LRTM3: variants seen among roughly 807,000 people sequenced by gnomAD.
The protein encoded by LRTM3 is leucine rich repeat transmembrane protein 3.
the LRTM3 span, chr13:102,747,176 A>G: frequency 1.9e-6 from 3 of 1,550,540 alleles, no homozygotes; most frequent in Admixed American, 2.0e-5. Context: ...TTCCCTTTCA[A>G]TTTGGGATTC....
the LRTM3 span, chr13:102,746,803 T>C: frequency 1.3e-6 from 2 of 1,551,292 alleles, no homozygotes; most frequent in South Asian, 2.4e-5. Context: ...AACTTTCTCT[T>C]GTTTGGTTTA....
the LRTM3 span, chr13:102,747,264 T>G: frequency 1.9e-6 from 3 of 1,549,464 alleles, no homozygotes; most frequent in African/African-American, 1.4e-5. Flanking sequence ...AAAATAGACA[T>G]GGGAGGGTAA....
At chr13:102,735,276 CT>C in the LRTM3 span, 1 of 1,551,362 alleles carries the variant, frequency 6.4e-7, no homozygotes. Context: ...TCCTTCTCTT[CT>C]TTCTGTAGCA....
At chr13:102,744,542 A>C in the LRTM3 span, 1 of 1,550,480 alleles carries the variant, frequency 6.4e-7, no homozygotes, top group Non-Finnish European at 8.7e-7. Context: ...AATAGGCTCT[A>C]AAACAGTTTC....
the LRTM3 span, chr13:102,735,760 C>T: frequency 6.5e-7 from 1 of 1,546,574 alleles, no homozygotes; most frequent in Non-Finnish European, 8.7e-7. Flanking sequence ...CTGATGAATC[C>T]TGAATCTTTA....
At chr13:102,752,878 T>C in the LRTM3 span, among the ~76,000 whole-genome samples, 1 of 152,226 alleles carries the variant, frequency 6.6e-6, no homozygotes, top group Admixed American at 6.5e-5. Context: ...CTGATGTTAG[T>C]TAACTTATTT....
At chr13:102,758,606 G>T in the LRTM3 span, 27 of 1,525,262 alleles carry the variant, frequency 1.8e-5, no homozygotes, top group East Asian at 5.9e-4. Flanking sequence ...ATTGTTAGAG[G>T]AGTAATCGGA....
At chr13:102,750,049 G>T in the LRTM3 span, 4 of 1,550,084 alleles carry the variant, frequency 2.6e-6, no homozygotes, top group East Asian at 7.3e-5. Flanking sequence ...ATGCTGAAAA[G>T]CTAAGATCAG....
chr13:102,732,698 ATTC>A, the LRTM3 span: 20 of 1,550,936 alleles, frequency 1.3e-5, no homozygotes, highest in African/African-American at 1.8e-4. Flanking sequence ...GCTTGTGTCC[ATTC>A]TTCCTCTCTC....
the LRTM3 span, chr13:102,736,968 T>C: frequency 1.3e-6 from 2 of 1,551,134 alleles, no homozygotes; most frequent in South Asian, 2.4e-5. Flanking sequence ...TTGTCTAATT[T>C]ACAGTGAGAT....
chr13:102,733,328 T>C, the LRTM3 span: 2 of 1,551,394 alleles, frequency 1.3e-6, no homozygotes, highest in Non-Finnish European at 1.7e-6. Context: ...GATTCTATCA[T>C]TACTTTGTCC....
chr13:102,737,830 C>T, the LRTM3 span: 2 of 1,550,730 alleles, frequency 1.3e-6, no homozygotes, highest in Non-Finnish European at 1.7e-6. Context: ...GTTGGTCTTC[C>T]TCTCCTTCTA....
At chr13:102,737,590 T>C in the LRTM3 span, 3 of 1,550,762 alleles carry the variant, frequency 1.9e-6, no homozygotes, top group Non-Finnish European at 2.6e-6. Flanking sequence ...GATTCAGTGG[T>C]AGGTTCTGTG....
chr13:102,736,931 T>C, the LRTM3 span: 8 of 1,551,070 alleles, frequency 5.2e-6, no homozygotes, highest in Non-Finnish European at 7.0e-6. Flanking sequence ...TGTTACTCCT[T>C]GTTCCTCTTT....
the LRTM3 span, chr13:102,748,127 GT>G: frequency 7.1e-6 from 11 of 1,551,040 alleles, no homozygotes; most frequent in East Asian, 4.9e-5. Flanking sequence ...TATGCTATGT[GT>G]TTCTGTATCA....
chr13:102,735,566 T>A, the LRTM3 span: 2 of 1,551,218 alleles, frequency 1.3e-6, no homozygotes, highest in Non-Finnish European at 1.7e-6. Context: ...TTTTTTGGTA[T>A]TGAGTATATC....
At chr13:102,752,451 G>T in the LRTM3 span, among the ~76,000 whole-genome samples, 19 of 152,232 alleles carry the variant, frequency 1.2e-4, no homozygotes, top group Middle Eastern at 3.4e-3. Context: ...TACCCTGCAG[G>T]CTGCAACCTT....
Sources: gnomAD v4.1 joint callset for allele counts (sites outside exome capture counted in the v4.1 genomes callset) on GRCh38, gnomAD v4.1.1 for gene constraint, MANE v1.5 for transcripts, NCBI Gene and HGNC (gene_info 2026-07-23, HGNC 2026-07-21) for gene names.